Variants in VIPR1 observed in about 807,000 individuals in gnomAD.
VIPR1 encodes vasoactive intestinal polypeptide receptor 1.
A neutral mutation model predicts 58.8 loss-of-function variants in VIPR1; 59 were observed. That is an observed-to-expected ratio of 1.00 (90% CI 0.81 to 1.25). The LOEUF (loss-of-function observed/expected upper bound fraction) is 1.25, where lower values mean the gene tolerates loss of function less well. VIPR1 is among the 50% of genes most tolerant of loss of function. VIPR1 has a pLI of 0.00. For synonymous variants in VIPR1, 251 were observed against 242.1 expected, an observed-to-expected ratio of 1.04 and a Z score of -0.34; for missense variants, 626 against 602.7, an observed-to-expected ratio of 1.04 and a Z score of -0.40.
At position 42,513,835 on chromosome 3, in the gene VIPR1, G is replaced by T; in HGVS notation, c.165G>T (p.Gln55His). The change falls in exon 2 of 13, where the codon CAG (glutamine) becomes CAT (histidine). Residue 55 changes from glutamine (Q) to histidine (H), a missense_variant. Transcript: ENST00000325123. The stretch of plus-strand genomic sequence containing the variant: ...ACAAGCAGTGCCTGGAGGAGGCCCA[G>T]CTGGAGAATGAGACAATAGGTGAGG... The part of the protein sequence containing the change: ...VQHKQCLEEA[Q>H]LENETIGCSK... 6.4e-7 allele frequency: 1 copy of T among 1,551,640 alleles called. No individual in the cohort carries two copies. Among genetic ancestry groups the T allele is most frequent in the Non-Finnish European group, 8.7e-7 (1 of 1,146,946 alleles).
intron 1 of VIPR1, among the ~76,000 whole-genome samples, chr3:42,494,339 C>A (rs1297850522): frequency 6.6e-6 from 1 of 151,800 alleles, no homozygotes; most frequent in African/African-American, 2.4e-5. Context: ...ATTATGATAC[C>A]TCGTAGAATA....
Position 42,502,686 on chromosome 3 carries a change from G to T in VIPR1, c.-50G>T. 3 of 1,259,080 alleles carry T rather than the reference G, an allele frequency of 2.4e-6. No individual in the cohort carries two copies. The highest frequency in any genetic ancestry group is 1.6e-5 in the African/African-American group (1 of 63,896). The allele number at this position is 1,259,080 out of a possible 1,614,324, so 78.0% of individuals were successfully genotyped here. A position where few individuals can be genotyped will look rare whatever the true frequency, so the allele number is the denominator to read the frequency against. ...CCATCGCCCGCCTGGTGCGCCGCCCGCCAGCTCTTTGCCCGCGCGGGGCCG... is the reference window on the plus strand; with the variant it reads ...CCATCGCCCGCCTGGTGCGCCGCCCTCCAGCTCTTTGCCCGCGCGGGGCCG... On this transcript the variant is annotated 5_prime_UTR_variant, in exon 1 of 13. Coordinates refer to ENST00000325123, the MANE Select transcript of VIPR1 (RefSeq NM_004624.4).
At chr3:42,514,541 C>CCA (rs111610459) in intron 2 of VIPR1, among the ~76,000 whole-genome samples, 7,022 of 144,110 alleles carry the variant, frequency 0.049, 259 homozygotes, top group African/African-American at 0.099. Flanking sequence ...GATAGTGACA[C>CCA]CACACACACA....
rs1701863519 is a variant in VIPR1, at chr3:42,536,582, A to G, written c.*301A>G. 3.1e-6 allele frequency: 1 copy of G among 323,082 alleles called. No individual in the cohort carries two copies. 20.0% of individuals were successfully genotyped at this position (323,082 alleles called of 1,614,324 possible). A position where few individuals can be genotyped will look rare whatever the true frequency, so the allele number is the denominator to read the frequency against. On this transcript the variant is annotated 3_prime_UTR_variant, in exon 13 of 13. Transcript: ENST00000325123. Reference sequence around the variant, plus strand: ...CGCCAATCAAGGGCAAAAAGTCTACATACTTTCATCCTGACTCTGCCCCCT... The same window carrying G: ...CGCCAATCAAGGGCAAAAAGTCTACGTACTTTCATCCTGACTCTGCCCCCT...
chr3:42,527,105 C>T (rs1701273197), intron 4 of VIPR1, among the ~76,000 whole-genome samples: 1 of 152,100 alleles, frequency 6.6e-6, no homozygotes, highest in African/African-American at 2.4e-5. Context: ...AAGGGACGTG[C>T]AAGGTCTTCA....
exon 1 of VIPR1, chr3:42,489,299 A>AT (rs1187849161): frequency 2.0e-5 from 3 of 152,238 alleles, no homozygotes; most frequent in Non-Finnish European, 2.9e-5. Context: ...GCAAGCTTGC[A>AT]TTTTCCCAGC....
At chr3:42,524,935 T>G (rs900216888) in intron 3 of VIPR1, among the ~76,000 whole-genome samples, 2 of 152,202 alleles carry the variant, frequency 1.3e-5, no homozygotes, top group Non-Finnish European at 2.9e-5. Context: ...AAACAGGATG[T>G]GCCTAAAGTG....
chr3:42,525,902 G>T lies in VIPR1; in HGVS notation c.308G>T (p.Arg103Leu), dbSNP rs772362568. Residue 103 changes from arginine (R) to leucine (L), a missense_variant, in exon 4 of 13, where the codon CGC becomes CTC. By Grantham distance (102) the Arg-to-Leu change is moderately radical (BLOSUM62 -2). Coordinates refer to ENST00000325123, the MANE Select transcript of VIPR1 (RefSeq NM_004624.4). ...CTCCACCCAGGCCGCAATGTAAGCCGCAGCTGCACCGACGAAGGCTGGACG... is the reference window on the plus strand; with the variant it reads ...CTCCACCCAGGCCGCAATGTAAGCCTCAGCTGCACCGACGAAGGCTGGACG... ...FSSIQGRNVSRSCTDEGWTHL... is the reference protein window; with the variant it reads ...FSSIQGRNVSLSCTDEGWTHL... 1 of 1,611,866 alleles carries T rather than the reference G, an allele frequency of 6.2e-7. No homozygotes were observed. Among genetic ancestry groups the T allele is most frequent in the Non-Finnish European group, 8.5e-7 (1 of 1,179,228 alleles).
chr3:42,525,956 C>T lies in VIPR1; in HGVS notation c.362C>T (p.Ala121Val), dbSNP rs1479411854. ...CTGGAGCCTGGCCCGTACCCCATTGCCTGTGGTTTGGATGACAAGGCAGCG... is the reference window on the plus strand; with the variant it reads ...CTGGAGCCTGGCCCGTACCCCATTGTCTGTGGTTTGGATGACAAGGCAGCG... ...THLEPGPYPI[A>V]CGLDDKAASL... The change falls in exon 4 of 13, where the codon GCC becomes GTC. Residue 121 changes from alanine (A) to valine (V), a missense_variant. By Grantham distance (64) the Ala-to-Val change is moderately conservative. Transcript: ENST00000325123. 21 of 1,613,508 alleles carry T rather than the reference C, an allele frequency of 1.3e-5. No individual in the cohort carries two copies. Among genetic ancestry groups the T allele is most frequent in the South Asian group, 2.2e-5 (2 of 90,880 alleles).
chr3:42,515,435 C>T (rs1041750654), intron 2 of VIPR1, among the ~76,000 whole-genome samples: 1 of 152,228 alleles, frequency 6.6e-6, no homozygotes, highest in African/African-American at 2.4e-5. Context: ...GGACCAGGTG[C>T]AGACAGGCTT....
At chr3:42,526,599 C>A (rs150035632) in intron 4 of VIPR1, among the ~76,000 whole-genome samples, 2 of 152,140 alleles carry the variant, frequency 1.3e-5, no homozygotes, top group African/African-American at 4.8e-5. Context: ...CACCCTCAGG[C>A]GCCCTTCTCA....
At chr3:42,531,214 T>A in intron 7 of VIPR1, 1 of 610,708 alleles carries the variant, frequency 1.6e-6, no homozygotes, top group South Asian at 2.0e-5. Flanking sequence ...CCACTGCTAA[T>A]CTATAAAGGG....
upstream of VIPR1, chr3:42,502,025 G>A (rs1159084563): frequency 6.6e-6 from 1 of 152,302 alleles, no homozygotes; most frequent in Non-Finnish European, 1.5e-5. Flanking sequence ...GGAACCCAGA[G>A]TCGGGCCTCT....
chr3:42,506,935 C>T (rs1311740188), intron 1 of VIPR1: 2 of 152,102 alleles, frequency 1.3e-5, no homozygotes, highest in African/African-American at 4.8e-5. Context: ...CAAGCAGAGA[C>T]AACATTATAA....
chr3:42,504,027 T>C (rs1037078657), intron 1 of VIPR1, among the ~76,000 whole-genome samples: 2 of 152,212 alleles, frequency 1.3e-5, no homozygotes, highest in African/African-American at 4.8e-5. Context: ...CCTCTGACAA[T>C]TGGCAGGAGC....
chr3:42,527,872 C>A (rs1301677484), intron 5 of VIPR1, 119 bp from the exon 6 acceptor site: 3 of 1,400,426 alleles, frequency 2.1e-6, no homozygotes, highest in African/African-American at 2.9e-5. Flanking sequence ...TGAGGCGGGG[C>A]CTGCCCTCTG....
intron 3 of VIPR1, among the ~76,000 whole-genome samples, chr3:42,522,081 ATATAT>A (rs1559489467): frequency 2.4e-4 from 10 of 41,620 alleles, no homozygotes; most frequent in African/African-American, 1.1e-3. Context: ...CTACCTTCGA[ATATAT>A]ATATATATAT....
At chr3:42,504,165 T>TG in intron 1 of VIPR1, among the ~76,000 whole-genome samples, 1 of 152,252 alleles carries the variant, frequency 6.6e-6, no homozygotes, top group East Asian at 1.9e-4. Context: ...AACCACCATC[T>TG]GGCCCTCCCA....
intron 5 of VIPR1, 137 bp from the exon 6 acceptor site, chr3:42,527,854 A>T (rs1701316154): frequency 8.0e-7 from 1 of 1,255,306 alleles, no homozygotes; most frequent in Admixed American, 2.2e-5. Context: ...TCAGGATGGG[A>T]TCCCCTTTGA....
Sources: allele counts gnomAD v4.1 joint callset (sites outside exome capture counted in the v4.1 genomes callset), GRCh38; gene constraint gnomAD v4.1.1; transcripts MANE v1.5; gene names NCBI Gene and HGNC (gene_info 2026-07-23, HGNC 2026-07-21).